The following RALGPS2 variants were observed in gnomAD, a reference collection of about 807,000 sequenced individuals.
RALGPS2 encodes Ral GEF with PH domain and SH3 binding motif 2.
RALGPS2 carries 43 observed loss-of-function variants against 86.8 expected under a neutral mutation model. That is an observed-to-expected ratio of 0.50 (90% CI 0.39 to 0.64). RALGPS2 has a LOEUF of 0.64. RALGPS2 is among the 30% of genes least tolerant of loss of function. The probability of loss-of-function intolerance (pLI) is 0.00; values close to 1 mark genes in which losing one functional copy is unlikely to be tolerated. For missense variants in RALGPS2, 536 were observed against 694.6 expected, an observed-to-expected ratio of 0.77 and a Z score of 2.57; for synonymous variants, 243 against 231.3, an observed-to-expected ratio of 1.05 and a Z score of -0.46.
chr1:178,837,675 G>A lies in RALGPS2; in HGVS notation c.607+4125G>A, dbSNP rs557764427. On this transcript the variant is annotated intron_variant, in intron 8 of 19. Transcript: ENST00000367635. ...CGGGTTCATCTCACTGGGGCTTGTC[G>A]GACAGTGGGTGCAGGACAGTGGGTG... Among the ~76,000 whole-genome samples, 8 of 149,888 alleles carry A rather than the reference G, an allele frequency of 5.3e-5. No homozygotes were observed. The South Asian group carries it at 8.5e-4, about 16-fold the overall frequency.
intron 4 of RALGPS2, among the ~76,000 whole-genome samples, chr1:178,804,516 G>A (rs1244416436): frequency 7.2e-6 from 1 of 139,580 alleles, no homozygotes; most frequent in Non-Finnish European, 1.5e-5. Flanking sequence ...CTATGAGTGA[G>A]AATATGCGGT....
Position 178,858,769 on chromosome 1 carries a change from G to C in RALGPS2, c.608-18729G>C, listed in dbSNP as rs1657759214. Among the ~76,000 whole-genome samples the C allele has an allele frequency of 2.6e-5, 4 of 152,236 alleles. No homozygotes were observed. In the South Asian group the frequency reaches 8.3e-4, roughly 32 times the overall value. On this transcript the variant is annotated intron_variant, in intron 8 of 19. Transcript: ENST00000367635. ...ACCCATATTTTGAATAGAACAGTGA[G>C]TTAAAAAAGAAAAAAGGATTTCACA...
At chr1:178,888,085 GAGTTAC>G (rs1189843826) in intron 13 of RALGPS2, among the ~76,000 whole-genome samples, 6 of 151,970 alleles carry the variant, frequency 3.9e-5, no homozygotes, top group Non-Finnish European at 8.8e-5. Context: ...TTATTTTATT[GAGTTAC>G]AGTTAGTGTC....
At chr1:178,874,875 C>T (rs946956052) in intron 8 of RALGPS2, among the ~76,000 whole-genome samples, 4 of 152,096 alleles carry the variant, frequency 2.6e-5, no homozygotes, top group African/African-American at 9.7e-5. Flanking sequence ...CTCAGCCTCC[C>T]GAAGTGCTGA....
At chr1:178,906,751 T>TC in intron 18 of RALGPS2, 25 bp from the exon 19 acceptor site, 1 of 1,567,234 alleles carries the variant, frequency 6.4e-7, no homozygotes, top group Non-Finnish European at 8.8e-7. Flanking sequence ...TTTTAATATT[T>TC]CCCCCTTATT....
At chr1:178,828,697 G>A (rs1302227751) in intron 7 of RALGPS2, among the ~76,000 whole-genome samples, 4 of 152,194 alleles carry the variant, frequency 2.6e-5, no homozygotes, top group Non-Finnish European at 5.9e-5. Context: ...CATCAGGGCA[G>A]TGCAAATCAA....
At chr1:178,745,816 ATTC>A (rs1223468617) in intron 1 of RALGPS2, among the ~76,000 whole-genome samples, 14 of 146,376 alleles carry the variant, frequency 9.6e-5, no homozygotes, top group Admixed American at 1.4e-4. Flanking sequence ...AGAGAATTCA[ATTC>A]TTCTTTTTTT....
chr1:178,855,068 G>A (rs1051171870), intron 8 of RALGPS2, among the ~76,000 whole-genome samples: 1 of 152,106 alleles, frequency 6.6e-6, no homozygotes, highest in Non-Finnish European at 1.5e-5. Context: ...ATATGTGAGA[G>A]TTTAGTCAAG....
intron 1 of RALGPS2, among the ~76,000 whole-genome samples, chr1:178,736,671 G>C (rs1265194579): frequency 6.6e-6 from 1 of 152,106 alleles, no homozygotes; most frequent in Non-Finnish European, 1.5e-5. Flanking sequence ...GCCAAGGTGG[G>C]CGGATTGCTT....
chr1:178,801,211 C>G (rs1654455033), intron 4 of RALGPS2, among the ~76,000 whole-genome samples: 1 of 152,144 alleles, frequency 6.6e-6, no homozygotes, highest in African/African-American at 2.4e-5. Flanking sequence ...CAGGTGTGAG[C>G]CACTATGCCC....
chr1:178,907,269 C>G (rs781113470), intron 19 of RALGPS2, among the ~76,000 whole-genome samples: 2 of 151,934 alleles, frequency 1.3e-5, no homozygotes, highest in Non-Finnish European at 2.9e-5. Flanking sequence ...GTGCAGGGAG[C>G]CTGAAGCTGG....
chr1:178,870,602 A>T (rs2102350201), intron 8 of RALGPS2: 1 of 152,262 alleles, frequency 6.6e-6, no homozygotes, highest in South Asian at 2.1e-4. Context: ...GCAAGATAAA[A>T]CCTTTTTCAG....
At position 178,916,398 on chromosome 1, in the gene RALGPS2, C is replaced by T. The variant is rs777453622; in HGVS notation, c.*39C>T. ...AAAGAGAGGTGAACTGTTGCTTCTA[C>T]GTGAGCATGAGGACCTGATAAAAGA... is the stretch of plus-strand genomic sequence containing the variant. On this transcript the variant is annotated 3_prime_UTR_variant, in exon 20 of 20. Transcript: ENST00000367635. 38 of 1,568,668 alleles carry T rather than the reference C, an allele frequency of 2.4e-5. No individual in the cohort carries two copies. The Admixed American group carries it at 4.2e-4, about 18-fold the overall frequency.
chr1:178,747,581 G>C, intron 1 of RALGPS2: 1 of 1,610,062 alleles, frequency 6.2e-7, no homozygotes, highest in South Asian at 1.1e-5. Flanking sequence ...GTTAGGAAGT[G>C]GACCCTGTGT....
chr1:178,883,506 T>A lies in RALGPS2; in HGVS notation c.877T>A (p.Ser293Thr), dbSNP rs1659348381. 1 of 1,613,474 alleles carries A rather than the reference T, an allele frequency of 6.2e-7. No homozygotes were observed. Among genetic ancestry groups the A allele is most frequent in the Non-Finnish European group, 8.5e-7 (1 of 1,179,550 alleles). Reference protein sequence around the residue: ...KIEPGTSTPRSAASREDLVGP... With the variant: ...KIEPGTSTPRTAASREDLVGP... ...AGAACCAGGGACAAGCACCCCACGT[T>A]CTGCTGCTTCCAGAGAAGATTTAGT... Residue 293 changes from serine to threonine, a missense_variant, in exon 11 of 20, where the codon TCT becomes ACT. Physicochemically the swap from Ser to Thr is moderately conservative, Grantham distance 58 (BLOSUM62 1). Transcript: ENST00000367635.
At position 178,885,193 on chromosome 1, in the gene RALGPS2, G is replaced by T; in HGVS notation, c.1022G>T (p.Cys341Phe). 6.2e-7 allele frequency: 1 copy of T among 1,612,850 alleles called. No individual in the cohort carries two copies. Among genetic ancestry groups the T allele is most frequent in the Non-Finnish European group, 8.5e-7 (1 of 1,179,644 alleles). ...CTGATTCCACATGGACATAGGAAGT[G>T]CCATAGTTTGGGTTATAAGTCAGCA... is the stretch of plus-strand genomic sequence containing the variant. ...RNLIPHGHRK[C>F]HSLGYNFIHK... The change falls in exon 12 of 20, where the codon TGC (cysteine) becomes TTC (phenylalanine). Residue 341 changes from cysteine to phenylalanine, a missense_variant. By Grantham distance (205) the Cys-to-Phe change is radical (BLOSUM62 -2). Around this residue, in one of 3 missense-constraint regions of RALGPS2, gnomAD observed 309 missense variants for 363.0 expected, o/e 0.85. Coordinates refer to ENST00000367635, the MANE Select transcript of RALGPS2 (RefSeq NM_152663.5).
chr1:178,892,506 A>G (rs1659759558), intron 15 of RALGPS2, among the ~76,000 whole-genome samples, 199 bp downstream of exon 15: 1 of 152,152 alleles, frequency 6.6e-6, no homozygotes, highest in Non-Finnish European at 1.5e-5. Context: ...CACAGAGCTA[A>G]TTGCTAAAAC....
At chr1:178,853,060 A>G in intron 8 of RALGPS2, 3 of 1,468,556 alleles carry the variant, frequency 2.0e-6, no homozygotes, top group Non-Finnish European at 2.7e-6. Context: ...TGGCCATTTA[A>G]GTGGTAATGT....
chr1:178,749,767 T>C (rs1385504956), intron 1 of RALGPS2, among the ~76,000 whole-genome samples: 2 of 152,106 alleles, frequency 1.3e-5, no homozygotes, highest in Admixed American at 1.3e-4. Context: ...GAGAGTGCCT[T>C]ACTTTGCATA....
Sources: allele counts gnomAD v4.1 joint callset (sites outside exome capture counted in the v4.1 genomes callset), GRCh38; gene constraint gnomAD v4.1.1; regional missense constraint gnomAD v4.1.1; transcripts MANE v1.5; gene names NCBI Gene and HGNC (gene_info 2026-07-23, HGNC 2026-07-21).